The following LYNX1 variants were observed in gnomAD, a reference collection of about 807,000 sequenced individuals.
LYNX1 encodes the protein Ly6/neurotoxin 1, also known as ly-6/neurotoxin-like protein 1.
Under a neutral mutation model 8.3 loss-of-function variants are expected in LYNX1, and 8 were observed. The observed-to-expected ratio is 0.97, with a 90% CI of 0.57 to 1.74. The LOEUF is 1.74. Among genes scored for constraint, LYNX1 ranks in the 40% most tolerant of loss-of-function variants. The pLI is 0.00. For missense variants in LYNX1, 158 were observed against 159.7 expected (o/e 0.99, Z 0.06); for synonymous variants, 73 against 67.9 (o/e 1.08, Z -0.37).
chr8:142,775,730 T>A, intron 2 of LYNX1, 36 bp from the exon 3 acceptor site: 1 of 1,554,550 alleles, frequency 6.4e-7, no homozygotes, highest in Middle Eastern at 1.7e-4. Context: ...GGAACGGGGG[T>A]CACAGAACAT....
chr8:142,773,559 C>T lies in LYNX1; in HGVS notation c.*1608G>A. ...TGTGCCCTCAGCAAGACTCTGCCCC[C>T]TCCCATCCTCATGTTCTCAGGAGAC... is the stretch of plus-strand genomic sequence containing the variant. On this transcript the variant is annotated 3_prime_UTR_variant, in exon 4 of 4. Transcript: ENST00000652477. 3 of 985,678 alleles carry T rather than the reference C, an allele frequency of 3.0e-6. No homozygotes were observed. Among genetic ancestry groups the T allele is most frequent in the Non-Finnish European group, 3.6e-6 (3 of 830,132 alleles). 61.1% of individuals were successfully genotyped at this position (985,678 alleles called of 1,614,324 possible). A position where few individuals can be genotyped will look rare whatever the true frequency, so the allele number is the denominator to read the frequency against.
In LYNX1 at chr8:142,775,119, C is replaced by A. The variant is rs747574741; in HGVS notation, c.*48G>T. On this transcript the variant is annotated 3_prime_UTR_variant, in exon 4 of 4. Transcript: ENST00000652477. ...GGGTGAGCTGGGTGCGAGGGTGTAG[C>A]AGTGTGTCTCGAGAGCTTTGTTCTT... is the stretch of plus-strand genomic sequence containing the variant. 1 of 1,581,484 alleles carries A rather than the reference C, an allele frequency of 6.3e-7. No individual in the cohort carries two copies. Among genetic ancestry groups the A allele is most frequent in the Admixed American group, 1.8e-5 (1 of 56,504 alleles).
In LYNX1 at chr8:142,774,725, C is replaced by T; in HGVS notation, c.*442G>A. 1 of 1,012,302 alleles carries T rather than the reference C, an allele frequency of 9.9e-7. No individual in the cohort carries two copies. The highest frequency in any genetic ancestry group is 5.3e-5 in the Admixed American group (1 of 18,858). The allele number at this position is 1,012,302 out of a possible 1,614,324, so 62.7% of individuals were successfully genotyped here. A position where few individuals can be genotyped will look rare whatever the true frequency, so the allele number is the denominator to read the frequency against. ...GAAGCGTGACTAGGCCTGGAGGAGC[C>T]TTTCCTCCTAAGAGTCTCCCCACCA... On this transcript the variant is annotated 3_prime_UTR_variant, in exon 4 of 4. Transcript: ENST00000652477.
In LYNX1 at chr8:142,776,148, G is replaced by C. The variant is rs189185412; in HGVS notation, c.-164-27C>G. On this transcript the variant is annotated intron_variant, in intron 1 of 3. Transcript: ENST00000652477. ...TGCACAGCAGGTGGCAAAGACAGGTGGTCAGTACTGGGCCTGAAGGACCCA... is the reference window on the plus strand; with the variant it reads ...TGCACAGCAGGTGGCAAAGACAGGTCGTCAGTACTGGGCCTGAAGGACCCA... 4.5e-6 allele frequency: 3 copies of C among 662,574 alleles called. No homozygotes were observed. In the East Asian group the frequency reaches 8.4e-5, roughly 19 times the overall value. The allele number at this position is 662,574 out of a possible 1,614,324, so 41.0% of individuals were successfully genotyped here.
In LYNX1 at chr8:142,772,275, C is replaced by T. The variant is rs1269666189; in HGVS notation, c.*2892G>A. On this transcript the variant is annotated 3_prime_UTR_variant, in exon 4 of 4. Coordinates refer to ENST00000652477, the MANE Select transcript of LYNX1 (RefSeq NM_177477.4). ...CCCTCGGTTCTGCGAGAGAGATCCC[C>T]GAAGTGGGAACTGGGCCCCCATGGT... 5.1e-6 allele frequency: 5 copies of T among 985,820 alleles called. No individual in the cohort carries two copies. Among genetic ancestry groups the T allele is most frequent in the East Asian group, 1.1e-4 (1 of 8,832 alleles). The allele number at this position is 985,820 out of a possible 1,614,324, so 61.1% of individuals were successfully genotyped here.
rs1277265283 is a variant in LYNX1 at position 142,773,911 on chromosome 8, C to T, written c.*1256G>A. Reference sequence around the variant, plus strand: ...CTGGCACCAAAAGGTCTCACGCCCCCGAATGCCCCATTCACAGCAGGGGCA... The same window carrying T: ...CTGGCACCAAAAGGTCTCACGCCCCTGAATGCCCCATTCACAGCAGGGGCA... On this transcript the variant is annotated 3_prime_UTR_variant, in exon 4 of 4. Coordinates refer to ENST00000652477, the MANE Select transcript of LYNX1 (RefSeq NM_177477.4). 6 of 985,296 alleles carry T rather than the reference C, an allele frequency of 6.1e-6. No homozygotes were observed. Among genetic ancestry groups the T allele is most frequent in the Middle Eastern group, 5.2e-4 (1 of 1,938 alleles). The allele number at this position is 985,296 out of a possible 1,614,324, so 61.0% of individuals were successfully genotyped here.
Position 142,773,507 on chromosome 8 carries a change from C to T in LYNX1, c.*1660G>A. On this transcript the variant is annotated 3_prime_UTR_variant, in exon 4 of 4. Coordinates refer to ENST00000652477, the MANE Select transcript of LYNX1 (RefSeq NM_177477.4). ...CCAAGGTCCCTTTGCAGAAGACTGG[C>T]ACTGTCCTCCTCCAGCGGGAACTGG... The T allele has an allele frequency of 1.0e-6, 1 of 985,540 alleles. No homozygotes were observed. Among genetic ancestry groups the T allele is most frequent in the Non-Finnish European group, 1.2e-6 (1 of 830,034 alleles). The allele number at this position is 985,540 out of a possible 1,614,324, so 61.0% of individuals were successfully genotyped here. A position where few individuals can be genotyped will look rare whatever the true frequency, so the allele number is the denominator to read the frequency against.
Position 142,771,806 on chromosome 8 carries a change from C to T in LYNX1, c.*3361G>A, listed in dbSNP as rs2130093764. 2.0e-6 allele frequency: 2 copies of T among 985,850 alleles called. No individual in the cohort carries two copies. Among genetic ancestry groups the T allele is most frequent in the African/African-American group, 3.5e-5 (2 of 57,322 alleles). The allele number at this position is 985,850 out of a possible 1,614,324, so 61.1% of individuals were successfully genotyped here. ...GGAGGCGGCAGCTGGCCTGGCTCCC[C>T]CACTTCCCCAGGACCTCCGCCTGGA... On this transcript the variant is annotated 3_prime_UTR_variant, in exon 4 of 4. Coordinates refer to ENST00000652477, the MANE Select transcript of LYNX1 (RefSeq NM_177477.4).
At position 142,775,027 on chromosome 8, in the gene LYNX1, C is replaced by T. The variant is rs919407876; in HGVS notation, c.*140G>A. ...GTGGTGGTTGGGGGAGGTCGGGTGTCTTCTTGCCCACAGTCCTGACCCTGG... is the reference window on the plus strand; with the variant it reads ...GTGGTGGTTGGGGGAGGTCGGGTGTTTTCTTGCCCACAGTCCTGACCCTGG... On this transcript the variant is annotated 3_prime_UTR_variant, in exon 4 of 4. Coordinates refer to ENST00000652477, the MANE Select transcript of LYNX1 (RefSeq NM_177477.4). 6.9e-7 allele frequency: 1 copy of T among 1,444,652 alleles called. No individual in the cohort carries two copies. Among genetic ancestry groups the T allele is most frequent in the Non-Finnish European group, 9.1e-7 (1 of 1,102,652 alleles). The allele number at this position is 1,444,652 out of a possible 1,614,324, so 89.5% of individuals were successfully genotyped here.
Position 142,772,184 on chromosome 8 carries a change from C to T in LYNX1, c.*2983G>A. 1 of 986,154 alleles carries T rather than the reference C, an allele frequency of 1.0e-6. No individual in the cohort carries two copies. Among genetic ancestry groups the T allele is most frequent in the Non-Finnish European group, 1.2e-6 (1 of 830,116 alleles). 61.1% of individuals were successfully genotyped at this position (986,154 alleles called of 1,614,324 possible). On this transcript the variant is annotated 3_prime_UTR_variant, in exon 4 of 4. Coordinates refer to ENST00000652477, the MANE Select transcript of LYNX1 (RefSeq NM_177477.4). The stretch of plus-strand genomic sequence containing the variant: ...CCACTCCTGAGTCACTCGGGCATGT[C>T]CAGGACTCAGGTCCACACAGACAGT...
rs764318835 is a variant in LYNX1 at position 142,774,232 on chromosome 8, C to T, written c.*935G>A. The stretch of plus-strand genomic sequence containing the variant: ...CGCCTTCCCACGCCCAGGCCCGCGC[C>T]GGCCCCAGGCTGCTCCCAACCCCCA... On this transcript the variant is annotated 3_prime_UTR_variant, in exon 4 of 4. Transcript: ENST00000652477. 1.5e-5 allele frequency: 15 copies of T among 984,926 alleles called. No individual in the cohort carries two copies. Among genetic ancestry groups the T allele is most frequent in the Non-Finnish European group, 1.8e-5 (15 of 829,826 alleles). The allele number at this position is 984,926 out of a possible 1,614,324, so 61.0% of individuals were successfully genotyped here. A position where few individuals can be genotyped will look rare whatever the true frequency, so the allele number is the denominator to read the frequency against.
chr8:142,774,157 C>G lies in LYNX1; in HGVS notation c.*1010G>C, dbSNP rs1480458219. 3.0e-6 allele frequency: 3 copies of G among 983,612 alleles called. No individual in the cohort carries two copies. The African/African-American group carries it at 5.3e-5, about 17-fold the overall frequency. 60.9% of individuals were successfully genotyped at this position (983,612 alleles called of 1,614,324 possible). ...GGGCTGGGTCTCCGCCCTCCCCACC[C>G]CACCCTCCCCACTCCCGCCCCCGCA... is the stretch of plus-strand genomic sequence containing the variant. On this transcript the variant is annotated 3_prime_UTR_variant, in exon 4 of 4. Coordinates refer to ENST00000652477, the MANE Select transcript of LYNX1 (RefSeq NM_177477.4).
At position 142,774,657 on chromosome 8, in the gene LYNX1, G is replaced by A. The variant is rs774408021; in HGVS notation, c.*510C>T. The A allele has an allele frequency of 3.5e-4, 344 of 989,350 alleles. No individual in the cohort carries two copies. Among genetic ancestry groups the A allele is most frequent in the Non-Finnish European group, 3.9e-4 (327 of 832,550 alleles). The allele number at this position is 989,350 out of a possible 1,614,324, so 61.3% of individuals were successfully genotyped here. A position where few individuals can be genotyped will look rare whatever the true frequency, so the allele number is the denominator to read the frequency against. ...CGGTGCCAAAGGCCCTCCTCCCACA[G>A]CCCTGATCCCGTACCGGTCCTGGCA... On this transcript the variant is annotated 3_prime_UTR_variant, in exon 4 of 4. Coordinates refer to ENST00000652477, the MANE Select transcript of LYNX1 (RefSeq NM_177477.4).
At position 142,774,233 on chromosome 8, in the gene LYNX1, G is replaced by C. The variant is rs112126226; in HGVS notation, c.*934C>G. 28 of 976,070 alleles carry C rather than the reference G, an allele frequency of 2.9e-5. No individual in the cohort carries two copies. In the African/African-American group the frequency reaches 4.7e-4, roughly 16 times the overall value. 60.5% of individuals were successfully genotyped at this position (976,070 alleles called of 1,614,324 possible). A position where few individuals can be genotyped will look rare whatever the true frequency, so the allele number is the denominator to read the frequency against. ...GCCTTCCCACGCCCAGGCCCGCGCC[G>C]GCCCCAGGCTGCTCCCAACCCCCAG... On this transcript the variant is annotated 3_prime_UTR_variant, in exon 4 of 4. Coordinates refer to ENST00000652477, the MANE Select transcript of LYNX1 (RefSeq NM_177477.4).
At position 142,771,930 on chromosome 8, in the gene LYNX1, C is replaced by A. The variant is rs1346493306; in HGVS notation, c.*3237G>T. On this transcript the variant is annotated 3_prime_UTR_variant, in exon 4 of 4. Coordinates refer to ENST00000652477, the MANE Select transcript of LYNX1 (RefSeq NM_177477.4). ...GTCCCCATGCTGACCTGGCCATGTC[C>A]CCAGGTCCCACCCCAGGGTCACTTC... 2.0e-6 allele frequency: 2 copies of A among 985,924 alleles called. No individual in the cohort carries two copies. The highest frequency in any genetic ancestry group is 2.4e-6 in the Non-Finnish European group (2 of 830,100). 61.1% of individuals were successfully genotyped at this position (985,924 alleles called of 1,614,324 possible). A position where few individuals can be genotyped will look rare whatever the true frequency, so the allele number is the denominator to read the frequency against.
At chr8:142,777,491 C>CGCCGGGCAAGCG, upstream of LYNX1, among the ~76,000 whole-genome samples, 16 of 125,116 alleles carry the variant, frequency 1.3e-4, no homozygotes, top group African/African-American at 4.9e-4. Context: ...GGACCCGCCT[C>CGCCGGGCAAGCG]CTGGGCACCC....
In LYNX1 at chr8:142,773,902, T is replaced by A. The variant is rs954122938; in HGVS notation, c.*1265A>T. ...GCGTGACCGCTGGCACCAAAAGGTC[T>A]CACGCCCCCGAATGCCCCATTCACA... On this transcript the variant is annotated 3_prime_UTR_variant, in exon 4 of 4. Coordinates refer to ENST00000652477, the MANE Select transcript of LYNX1 (RefSeq NM_177477.4). 2.0e-6 allele frequency: 2 copies of A among 985,292 alleles called. No homozygotes were observed. The highest frequency in any genetic ancestry group is 1.7e-5 in the African/African-American group (1 of 57,208). 61.0% of individuals were successfully genotyped at this position (985,292 alleles called of 1,614,324 possible).
At position 142,774,105 on chromosome 8, in the gene LYNX1, C is replaced by CA. The variant is rs972571954; in HGVS notation, c.*1061dup. 1.0e-6 allele frequency: 1 copy of CA among 985,210 alleles called. No homozygotes were observed. The highest frequency in any genetic ancestry group is 1.7e-5 in the African/African-American group (1 of 57,186). 61.0% of individuals were successfully genotyped at this position (985,210 alleles called of 1,614,324 possible). ...GTGGAAGGTGATGGAGGGACCCACTCACTGTGCGCATCCCGCTGCGGGGGA... is the reference window on the plus strand; with the variant it reads ...GTGGAAGGTGATGGAGGGACCCACTCAACTGTGCGCATCCCGCTGCGGGGGA... On this transcript the variant is annotated 3_prime_UTR_variant, in exon 4 of 4. Coordinates refer to ENST00000652477, the MANE Select transcript of LYNX1 (RefSeq NM_177477.4).
rs13267427 is a variant in LYNX1 at position 142,774,760 on chromosome 8, C to T, written c.*407G>A. 2.3e-5 allele frequency: 24 copies of T among 1,049,782 alleles called. No individual in the cohort carries two copies. The highest frequency in any genetic ancestry group is 2.6e-5 in the Non-Finnish European group (23 of 870,566). The allele number at this position is 1,049,782 out of a possible 1,614,324, so 65.0% of individuals were successfully genotyped here. A position where few individuals can be genotyped will look rare whatever the true frequency, so the allele number is the denominator to read the frequency against. On this transcript the variant is annotated 3_prime_UTR_variant, in exon 4 of 4. Transcript: ENST00000652477. ...AAGAGTCTCCCCACCACCCCACCTG[C>T]GGGCATTCCTTGTCTTCCCCCTGCC...
Sources: allele counts gnomAD v4.1 joint callset (sites outside exome capture counted in the v4.1 genomes callset), GRCh38; gene constraint gnomAD v4.1.1; transcripts MANE v1.5; gene names NCBI Gene and HGNC (gene_info 2026-07-23, HGNC 2026-07-21).